Variants in LOC128125817 observed in about 807,000 individuals in gnomAD.
the LOC128125817 span, among the ~76,000 whole-genome samples, chr1:41,605,096 C>T: frequency 8.4e-6 from 1 of 118,734 alleles, no homozygotes; most frequent in African/African-American, 3.1e-5. Context: ...CAGAATGAGA[C>T]TCTGTCTCCA....
At chr1:41,593,807 G>A in the LOC128125817 span, among the ~76,000 whole-genome samples, 2 of 152,192 alleles carry the variant, frequency 1.3e-5, no homozygotes, top group South Asian at 2.1e-4. Flanking sequence ...GTGGTCAGAC[G>A]TCTGAAATAG....
At chr1:41,595,476 T>C in the LOC128125817 span, among the ~76,000 whole-genome samples, 1 of 151,922 alleles carries the variant, frequency 6.6e-6, no homozygotes, top group Non-Finnish European at 1.5e-5. Context: ...GAGAAAGGAG[T>C]CTGGAGACTA....
chr1:41,627,489 C>T, the LOC128125817 span, among the ~76,000 whole-genome samples: 1 of 152,152 alleles, frequency 6.6e-6, no homozygotes, highest in Non-Finnish European at 1.5e-5. Context: ...CCTTTACCTC[C>T]TCAGGAGAAC....
At chr1:41,612,526 C>G in the LOC128125817 span, among the ~76,000 whole-genome samples, 2 of 152,274 alleles carry the variant, frequency 1.3e-5, no homozygotes, top group South Asian at 4.1e-4. Context: ...CTTATCACTT[C>G]GTTTTGCAGA....
the LOC128125817 span, among the ~76,000 whole-genome samples, chr1:41,604,846 A>C: frequency 1.4e-4 from 22 of 152,138 alleles, no homozygotes; most frequent in African/African-American, 5.3e-4. Flanking sequence ...GCTCATGCCT[A>C]TAATCTCAGC....
the LOC128125817 span, among the ~76,000 whole-genome samples, chr1:41,606,282 A>G: frequency 6.6e-6 from 1 of 151,968 alleles, no homozygotes; most frequent in Non-Finnish European, 1.5e-5. Flanking sequence ...TCAACTTTAG[A>G]CAGTGTCTAT....
At chr1:41,619,546 C>T in the LOC128125817 span, among the ~76,000 whole-genome samples, 1 of 152,292 alleles carries the variant, frequency 6.6e-6, no homozygotes, top group Non-Finnish European at 1.5e-5. Context: ...CAGAATGGTG[C>T]TTGGCCCCTT....
the LOC128125817 span, among the ~76,000 whole-genome samples, chr1:41,628,409 G>A: frequency 1.3e-5 from 2 of 152,200 alleles, no homozygotes; most frequent in African/African-American, 4.8e-5. Context: ...CTGGCTTGTG[G>A]AGGCTGTGGC....
chr1:41,594,642 A>T, the LOC128125817 span, among the ~76,000 whole-genome samples: 8 of 152,210 alleles, frequency 5.3e-5, no homozygotes, highest in African/African-American at 1.9e-4. Context: ...CTCTTTTGAT[A>T]TTGAAGCTAT....
the LOC128125817 span, among the ~76,000 whole-genome samples, chr1:41,612,231 C>T: frequency 6.6e-6 from 1 of 152,210 alleles, no homozygotes; most frequent in Non-Finnish European, 1.5e-5. Flanking sequence ...GCCAGTTTCT[C>T]CCTGGGACCT....
the LOC128125817 span, among the ~76,000 whole-genome samples, chr1:41,617,848 A>G: frequency 1.3e-5 from 2 of 151,656 alleles, no homozygotes; most frequent in African/African-American, 4.9e-5. Context: ...GAAGATGCCA[A>G]TGGCTTTGGA....
the LOC128125817 span, among the ~76,000 whole-genome samples, chr1:41,624,201 CG>C: frequency 3.3e-5 from 5 of 152,186 alleles, no homozygotes; most frequent in Non-Finnish European, 5.9e-5. Context: ...TCTCAGCATC[CG>C]TGGCCCCTCC....
At chr1:41,597,673 C>A in the LOC128125817 span, among the ~76,000 whole-genome samples, 4 of 152,208 alleles carry the variant, frequency 2.6e-5, no homozygotes, top group Non-Finnish European at 5.9e-5. Flanking sequence ...ACACCAGCCT[C>A]ACAGAGAGGA....
chr1:41,598,806 G>GTTATTTATTTATTTAT, the LOC128125817 span, among the ~76,000 whole-genome samples: 959 of 147,110 alleles, frequency 6.5e-3, 10 homozygotes, highest in East Asian at 0.042. Flanking sequence ...GTCACATGAT[G>GTTATTTATTTATTTAT]TTATTTATTT....
the LOC128125817 span, among the ~76,000 whole-genome samples, chr1:41,609,045 G>A: frequency 4.6e-5 from 7 of 151,092 alleles, no homozygotes; most frequent in Non-Finnish European, 7.4e-5. Context: ...GGCAACAAGA[G>A]TGAAACTCCG....
chr1:41,625,526 C>T, the LOC128125817 span, among the ~76,000 whole-genome samples: 1 of 152,066 alleles, frequency 6.6e-6, no homozygotes, highest in Non-Finnish European at 1.5e-5. Flanking sequence ...ACAGAGGTGT[C>T]GCTAATAACA....
At chr1:41,604,292 A>C in the LOC128125817 span, among the ~76,000 whole-genome samples, 2 of 152,240 alleles carry the variant, frequency 1.3e-5, no homozygotes, top group African/African-American at 4.8e-5. Context: ...AGCAACAAAT[A>C]GAATGGATAA....
the LOC128125817 span, among the ~76,000 whole-genome samples, chr1:41,595,752 G>A: frequency 1.3e-5 from 2 of 152,112 alleles, no homozygotes; most frequent in African/African-American, 4.8e-5. Flanking sequence ...ATAAAAGCAG[G>A]TAGAAGAACA....
the LOC128125817 span, among the ~76,000 whole-genome samples, chr1:41,612,526 C>T: frequency 2.6e-5 from 4 of 152,274 alleles, no homozygotes; most frequent in South Asian, 2.1e-4. Flanking sequence ...CTTATCACTT[C>T]GTTTTGCAGA....
Sources: allele counts gnomAD v4.1 joint callset (sites outside exome capture counted in the v4.1 genomes callset), GRCh38; gene constraint gnomAD v4.1.1; transcripts MANE v1.5.